The following CELF5 variants were observed in gnomAD, a reference collection of about 807,000 sequenced individuals.
CELF5 encodes CUGBP Elav-like family member 5, also known as CUG-BP and ETR-3 like factor 5.
In CELF5, 6 loss-of-function variants were observed where a neutral mutation model predicts 54.9. The ratio of observed to expected loss-of-function variants is 0.11; its 90% CI spans 0.06 to 0.22. The LOEUF is 0.22. CELF5 is among the 10% of genes least tolerant of loss of function. The pLI is 1.00. For synonymous variants in CELF5, 271 were observed against 290.9 expected, an observed-to-expected ratio of 0.93 and a Z score of 0.70; for missense variants, 401 against 678.6, an observed-to-expected ratio of 0.59 and a Z score of 4.54.
At chr19:3,230,832 A>G (rs2049931097) in intron 1 of CELF5, among the ~76,000 whole-genome samples, 1 of 152,182 alleles carries the variant, frequency 6.6e-6, no homozygotes, top group African/African-American at 2.4e-5. Flanking sequence ...AAATACAAAG[A>G]AGCAGATGTG....
rs531982472 is a variant in CELF5, at chr19:3,249,815, G to C, written c.260-1170G>C. Among the ~76,000 whole-genome samples, 5 of 152,328 alleles carry C rather than the reference G, an allele frequency of 3.3e-5. 1 individual carries two copies. In the East Asian group the frequency reaches 9.6e-4, roughly 29 times the overall value. ...CGCATGATCCAAGGCTACACTGCTG[G>C]TCAGTGGCAGAGCCCACTGCTCCCT... On this transcript the variant is annotated intron_variant, in intron 1 of 12. Coordinates refer to ENST00000292672, the MANE Select transcript of CELF5 (RefSeq NM_021938.4).
At position 3,281,206 on chromosome 19, in the gene CELF5, C is replaced by G; in HGVS notation, c.611C>G (p.Ser204Cys). The change falls in exon 6 of 13, where the codon TCC becomes TGC. Residue 204 changes from serine (S) to cysteine (C), a missense_variant. Coordinates refer to ENST00000292672, the MANE Select transcript of CELF5 (RefSeq NM_021938.4). This position sits in a 1 kb window ranked among gnomAD's most constrained non-coding sequence, Gnocchi z 6.5. ...LHGSQTMPGASSSLVVKFADT... is the reference protein window; with the variant it reads ...LHGSQTMPGACSSLVVKFADT... The stretch of plus-strand genomic sequence containing the variant: ...TCGCCGCTGCCCCTGCAGGGAGCCT[C>G]CTCCAGCCTGGTGGTCAAGTTCGCC... 6.2e-7 allele frequency: 1 copy of G among 1,606,552 alleles called. No homozygotes were observed. Among genetic ancestry groups the G allele is most frequent in the Non-Finnish European group, 8.5e-7 (1 of 1,178,876 alleles).
At chr19:3,266,286 G>A (rs1010970688) in intron 2 of CELF5, among the ~76,000 whole-genome samples, 1 of 151,974 alleles carries the variant, frequency 6.6e-6, no homozygotes, top group Non-Finnish European at 1.5e-5. Flanking sequence ...GAGCTGCTTC[G>A]ACTCCATCCC....
chr19:3,241,962 AT>A (rs757126407), intron 1 of CELF5, among the ~76,000 whole-genome samples: 1 of 152,012 alleles, frequency 6.6e-6, no homozygotes, highest in Non-Finnish European at 1.5e-5. Flanking sequence ...TTTAGTAGAG[AT>A]GGGGTTTCAC....
chr19:3,266,350 G>A (rs11879847), intron 2 of CELF5, among the ~76,000 whole-genome samples: 35,302 of 151,148 alleles, frequency 0.23, 4,364 homozygotes, highest in South Asian at 0.3. Flanking sequence ...CTCCTGAGTC[G>A]AGTCTCACCT....
rs139699049 is a variant in CELF5 at position 3,263,617 on chromosome 19, A to G, written c.343-10255A>G. Among the ~76,000 whole-genome samples, 545 of 151,956 alleles carry G rather than the reference A, an allele frequency of 3.6e-3. 7 individuals carry two copies. Among genetic ancestry groups the G allele is most frequent in the African/African-American group, 0.013 (527 of 41,400 alleles). On this transcript the variant is annotated intron_variant, in intron 2 of 12. Coordinates refer to ENST00000292672, the MANE Select transcript of CELF5 (RefSeq NM_021938.4). ...ATTTCTTAAACTATTTAAAAGTACT[A>G]CACACGGCCGGGCACGGTGGCTCAC...
chr19:3,249,248 C>T (rs2079614541), intron 1 of CELF5, among the ~76,000 whole-genome samples: 1 of 152,206 alleles, frequency 6.6e-6, no homozygotes, highest in South Asian at 2.1e-4. Flanking sequence ...TTTCACAGGT[C>T]CCCAGACAGG....
rs1219011797 is a variant in CELF5 at position 3,268,223 on chromosome 19, T to A, written c.343-5649T>A. Among the ~76,000 whole-genome samples, 1 of 152,026 alleles carries A rather than the reference T, an allele frequency of 6.6e-6. No homozygotes were observed. The highest frequency in any genetic ancestry group is 2.4e-5 in the African/African-American group (1 of 41,398). On this transcript the variant is annotated intron_variant, in intron 2 of 12. Coordinates refer to ENST00000292672, the MANE Select transcript of CELF5 (RefSeq NM_021938.4). This position sits in a 1 kb window ranked among gnomAD's most constrained non-coding sequence, Gnocchi z 4.4. ...CGTGTTGGCCAGGCTGGTCTCGAAC[T>A]CCTGACCTCAGGTGATCCGCCCGCC... is the stretch of plus-strand genomic sequence containing the variant.
chr19:3,281,044 C>CCCTGGCT lies in CELF5; in HGVS notation c.604-149_604-143dup, dbSNP rs1261454712. Among the ~76,000 whole-genome samples the CCCTGGCT allele has an allele frequency of 6.6e-6, 1 of 152,204 alleles. No homozygotes were observed. Among genetic ancestry groups the CCCTGGCT allele is most frequent in the African/African-American group, 2.4e-5 (1 of 41,460 alleles). On this transcript the variant is annotated intron_variant, in intron 5 of 12. Transcript: ENST00000292672. The surrounding 1 kb of genome is among the most constrained non-coding windows in gnomAD (Gnocchi z 6.5). ...GATCTCCACGCGGTCCTCGCTGTGG[C>CCCTGGCT]CCTGGCTCCTGGGGTGGGGGCCCGT...
chr19:3,248,789 G>C (rs1599411216), intron 1 of CELF5, among the ~76,000 whole-genome samples: 1 of 152,208 alleles, frequency 6.6e-6, no homozygotes, highest in South Asian at 2.1e-4. Flanking sequence ...TGGAGGAACT[G>C]TCAAACTGTT....
In CELF5 at chr19:3,230,563, G is replaced by C. The variant is rs188202514; in HGVS notation, c.259+5565G>C. ...GAGGCTGGAGAGTCAGCATGGGCTG[G>C]ACCAGGAAAGCCTCTGATGCTGGAC... On this transcript the variant is annotated intron_variant, in intron 1 of 12. Transcript: ENST00000292672. Among the ~76,000 whole-genome samples the C allele has an allele frequency of 6.3e-4, 96 of 152,294 alleles. 1 individual carries two copies. Among genetic ancestry groups the C allele is most frequent in the Non-Finnish European group, 1.3e-3 (86 of 68,032 alleles).
At chr19:3,240,760 C>T (rs2079480217) in intron 1 of CELF5, among the ~76,000 whole-genome samples, 2 of 152,022 alleles carry the variant, frequency 1.3e-5, no homozygotes, top group South Asian at 4.1e-4. Flanking sequence ...GTCCCCAGCC[C>T]TGCCTTTCTC....
At chr19:3,274,197 G>A (rs2080011705) in intron 3 of CELF5, among the ~76,000 whole-genome samples, 1 of 152,130 alleles carries the variant, frequency 6.6e-6, no homozygotes, top group South Asian at 2.1e-4. Flanking sequence ...CTTCTCCTGA[G>A]TTTGAAATAC....
At chr19:3,255,241 G>T (rs531919002) in intron 2 of CELF5, among the ~76,000 whole-genome samples, 1 of 152,272 alleles carries the variant, frequency 6.6e-6, no homozygotes, top group South Asian at 2.1e-4. Flanking sequence ...CTGGAGTGCA[G>T]TGGCTTGATC....
At chr19:3,245,748 A>G (rs2052486375) in intron 1 of CELF5, among the ~76,000 whole-genome samples, 1 of 152,138 alleles carries the variant, frequency 6.6e-6, no homozygotes. Context: ...TCAAGAATAG[A>G]CCATCACATA....
Position 3,290,268 on chromosome 19 carries a change from C to T in CELF5, c.1224C>T (p.Pro408=). Residue 408 remains proline (P), a synonymous_variant, in exon 11 of 13, where the codon CCC becomes CCT. Coordinates refer to ENST00000292672, the MANE Select transcript of CELF5 (RefSeq NM_021938.4). ...EGCNLFIYHL[P]QEFGDTELTQ... is the part of the protein sequence containing the mutation. ...GTAACCTGTTTATCTACCACCTCCC[C>T]CAGGAGTTTGGAGACACGGAGCTGA... 1 of 1,614,022 alleles carries T rather than the reference C, an allele frequency of 6.2e-7. No homozygotes were observed. The highest frequency in any genetic ancestry group is 8.5e-7 in the Non-Finnish European group (1 of 1,179,942).
At chr19:3,277,970 C>G in intron 4 of CELF5, 61 bp from the exon 5 acceptor site, 1 of 1,354,330 alleles carries the variant, frequency 7.4e-7, no homozygotes, top group South Asian at 1.2e-5. Context: ...CTCCTGTGGC[C>G]CCCGCTCAGC....
At position 3,228,718 on chromosome 19, in the gene CELF5, G is replaced by A. The variant is rs1415240257; in HGVS notation, c.259+3720G>A. ...GGGGGGGAGGAGGAGGCTGTAGCAG[G>A]CTGAGCTCTGAGGCGTGAGATTCCG... On this transcript the variant is annotated intron_variant, in intron 1 of 12. Coordinates refer to ENST00000292672, the MANE Select transcript of CELF5 (RefSeq NM_021938.4). The surrounding 1 kb of genome is among the most constrained non-coding windows in gnomAD (Gnocchi z 6.0). 6.6e-6 allele frequency among the ~76,000 whole-genome samples: 1 copy of A among 151,846 alleles called. No homozygotes were observed. The highest frequency in any genetic ancestry group is 1.5e-5 in the Non-Finnish European group (1 of 67,916).
At chr19:3,225,657 G>A (rs575487155) in intron 1 of CELF5, 135 of 933,076 alleles carry the variant, frequency 1.4e-4, no homozygotes, top group Admixed American at 2.5e-4. Context: ...CGCCCGGCTC[G>A]GGGGGACGCG....
Sources: gnomAD v4.1 joint callset for allele counts (sites outside exome capture counted in the v4.1 genomes callset) on GRCh38, gnomAD v4.1.1 for gene constraint, Gnocchi (gnomAD v3.1) non-coding constraint, MANE v1.5 for transcripts, NCBI Gene and HGNC (gene_info 2026-07-23, HGNC 2026-07-21) for gene names.